GSDME: variants seen among roughly 807,000 people sequenced by gnomAD.
GSDME encodes the protein gasdermin E.
In GSDME, 44 loss-of-function variants were observed where a neutral mutation model predicts 47.5. That is an observed-to-expected ratio of 0.93 (90% confidence interval 0.73 to 1.19). The LOEUF is 1.19. Ranked by LOEUF, GSDME falls within the 50% of genes most tolerant of loss-of-function variation. The pLI is 0.00. For missense variants in GSDME, 663 were observed against 604.2 expected, an observed-to-expected ratio of 1.10 and a Z score of -1.02; for synonymous variants, 258 against 252.8, an observed-to-expected ratio of 1.02 and a Z score of -0.20.
intron 3 of GSDME, among the ~76,000 whole-genome samples, chr7:24,720,151 T>C (rs1332912146): frequency 6.6e-6 from 1 of 152,142 alleles, no homozygotes; most frequent in East Asian, 1.9e-4. Context: ...TCAGCAGAGA[T>C]TTGGGGCTCC....
the GSDME span, among the ~76,000 whole-genome samples, chr7:24,763,572 A>T: frequency 1.3e-5 from 2 of 152,228 alleles, no homozygotes; most frequent in Non-Finnish European, 2.9e-5. This position sits in a 1 kb window ranked among gnomAD's most constrained non-coding sequence, Gnocchi z 4.3. Context: ...TCATCATGCT[A>T]CTCAGAATAG....
intron 5 of GSDME, chr7:24,715,680 G>A (rs901229702): frequency 6.3e-6 from 2 of 318,306 alleles, no homozygotes; most frequent in African/African-American, 4.5e-5. Context: ...TGGAAGACAA[G>A]TCTTTTCAAA....
At chr7:24,717,809 A>G (rs191390857) in intron 4 of GSDME, among the ~76,000 whole-genome samples, 1 of 152,304 alleles carries the variant, frequency 6.6e-6, no homozygotes, top group East Asian at 1.9e-4. Context: ...AGACCCCTGT[A>G]GATGGTGCAC....
chr7:24,755,689 T>A (rs749473738), intron 1 of GSDME, among the ~76,000 whole-genome samples: 6 of 152,194 alleles, frequency 3.9e-5, no homozygotes, highest in South Asian at 2.1e-4. Context: ...TCCACCTGAC[T>A]CCAAAGCCTG....
chr7:24,777,850 T>C, the GSDME span, among the ~76,000 whole-genome samples: 5 of 152,016 alleles, frequency 3.3e-5, no homozygotes, highest in East Asian at 9.6e-4. Flanking sequence ...CTGGGCAACA[T>C]AGAGAGATCC....
At chr7:24,748,020 A>C (rs559800652) in intron 2 of GSDME, among the ~76,000 whole-genome samples, 1 of 152,044 alleles carries the variant, frequency 6.6e-6, no homozygotes, top group Non-Finnish European at 1.5e-5. Context: ...ATTAGGGTAC[A>C]TACACTCAAA....
At chr7:24,748,168 ATT>A (rs1366320411) in intron 2 of GSDME, among the ~76,000 whole-genome samples, 2 of 117,496 alleles carry the variant, frequency 1.7e-5, no homozygotes, top group Non-Finnish European at 3.7e-5. Flanking sequence ...ATATATATAT[ATT>A]TTTTTTTGAG....
chr7:24,716,176 C>A lies in GSDME; in HGVS notation c.697+1078G>T, dbSNP rs1174476683. Among the ~76,000 whole-genome samples, 2 of 152,186 alleles carry A rather than the reference C, an allele frequency of 1.3e-5. No homozygotes were observed. The highest frequency in any genetic ancestry group is 3.8e-4 in the East Asian group (2 of 5,196). On this transcript the variant is annotated intron_variant, in intron 5 of 9. Transcript: ENST00000645220. The surrounding 1 kb of genome is among the most constrained non-coding windows in gnomAD (Gnocchi z 4.5). ...TGGTCTATCACGGCCCTTTTAAAAA[C>A]TGCTGTTACAGAAAATGTCAAACTG... is the stretch of plus-strand genomic sequence containing the variant.
the GSDME span, among the ~76,000 whole-genome samples, chr7:24,781,689 T>G: frequency 3.8e-3 from 567 of 151,096 alleles, 4 homozygotes; most frequent in African/African-American, 0.013. Flanking sequence ...AATTTTAAAA[T>G]ATTAATTCAT....
rs574285877 is a variant in GSDME at position 24,718,153 on chromosome 7, C to T, written c.577-779G>A. Among the ~76,000 whole-genome samples, 7 of 152,372 alleles carry T rather than the reference C, an allele frequency of 4.6e-5. 1 individual carries two copies. Among genetic ancestry groups the T allele is most frequent in the African/African-American group, 1.7e-4 (7 of 41,588 alleles). ...CCAGCAGGGCCGGCCTGAGCCATCT[C>T]CCATCGGCGCCTCCCTCGCTGCTAC... On this transcript the variant is annotated intron_variant, in intron 4 of 9. Coordinates refer to ENST00000645220, the MANE Select transcript of GSDME (RefSeq NM_001127453.2).
At chr7:24,764,616 T>C in the GSDME span, among the ~76,000 whole-genome samples, 1 of 152,142 alleles carries the variant, frequency 6.6e-6, no homozygotes, top group Non-Finnish European at 1.5e-5. This position sits in a 1 kb window ranked among gnomAD's most constrained non-coding sequence, Gnocchi z 4.4. Context: ...ACCAAGCAAA[T>C]CCCAGTGTCA....
chr7:24,699,944 A>G (rs1788795930), intron 9 of GSDME, among the ~76,000 whole-genome samples: 1 of 152,148 alleles, frequency 6.6e-6, no homozygotes, highest in Non-Finnish European at 1.5e-5. Flanking sequence ...TAGTTTAATT[A>G]TCCTTCCTGC....
chr7:24,719,776 G>A (rs1184820308), intron 3 of GSDME, among the ~76,000 whole-genome samples: 1 of 151,444 alleles, frequency 6.6e-6, no homozygotes, highest in Non-Finnish European at 1.5e-5. Flanking sequence ...CAGGGCAACA[G>A]AGCAAGACTC....
Position 24,705,767 on chromosome 7 carries a change from T to G in GSDME, c.1183+417A>C. ...TTGCCCCAGACAGGAGCACGCAGGG[T>G]GGGGAATAACAAGTTTGCAAAGATC... On this transcript the variant is annotated intron_variant, in intron 8 of 9. Transcript: ENST00000645220. This position sits in a 1 kb window ranked among gnomAD's most constrained non-coding sequence, Gnocchi z 4.1. The G allele has an allele frequency of 6.3e-6, 2 of 315,224 alleles. No homozygotes were observed. The highest frequency in any genetic ancestry group is 1.2e-5 in the Non-Finnish European group (2 of 161,340). 19.5% of individuals were successfully genotyped at this position (315,224 alleles called of 1,614,324 possible). A position where few individuals can be genotyped will look rare whatever the true frequency, so the allele number is the denominator to read the frequency against.
Position 24,754,501 on chromosome 7 carries a change from A to C in GSDME, c.-20+2895T>G, listed in dbSNP as rs1340392982. On this transcript the variant is annotated intron_variant, in intron 1 of 9. Coordinates refer to ENST00000645220, the MANE Select transcript of GSDME (RefSeq NM_001127453.2). The surrounding 1 kb of genome is among the most constrained non-coding windows in gnomAD (Gnocchi z 5.0). Reference sequence around the variant, plus strand: ...ACTTTGTCTCAAAAAAAAAAAAAAAAAGTTGTATTAGCAAACAGTCCTTAG... The same window carrying C: ...ACTTTGTCTCAAAAAAAAAAAAAAACAGTTGTATTAGCAAACAGTCCTTAG... 7.0e-6 allele frequency among the ~76,000 whole-genome samples: 1 copy of C among 142,018 alleles called. No individual in the cohort carries two copies. The highest frequency in any genetic ancestry group is 1.5e-5 in the Non-Finnish European group (1 of 66,692). 93.2% of individuals were successfully genotyped at this position (142,018 alleles called of 152,430 possible).
chr7:24,784,627 T>C, the GSDME span, among the ~76,000 whole-genome samples: 2 of 62,318 alleles, frequency 3.2e-5, no homozygotes, highest in East Asian at 8.3e-4. Flanking sequence ...TTCTTCTTCC[T>C]TTTTTTTTTT....
chr7:24,750,085 A>G (rs1178124188), intron 1 of GSDME, among the ~76,000 whole-genome samples: 1 of 152,226 alleles, frequency 6.6e-6, no homozygotes, highest in Non-Finnish European at 1.5e-5. Flanking sequence ...CATGCACAAT[A>G]CAGGGGTACA....
the GSDME span, among the ~76,000 whole-genome samples, chr7:24,769,402 G>A: frequency 1.3e-5 from 2 of 152,238 alleles, no homozygotes; most frequent in East Asian, 1.9e-4. Context: ...AGCGGGAGGC[G>A]GGGAACGTAG....
At chr7:24,711,104 T>C (rs2128050315) in intron 5 of GSDME, among the ~76,000 whole-genome samples, 1 of 151,834 alleles carries the variant, frequency 6.6e-6, no homozygotes, top group African/African-American at 2.4e-5. Context: ...GGTGAAGTTA[T>C]GGCTAAAACA....
Sources: gnomAD v4.1 joint callset for allele counts (sites outside exome capture counted in the v4.1 genomes callset) on GRCh38, gnomAD v4.1.1 for gene constraint, Gnocchi (gnomAD v3.1) non-coding constraint, MANE v1.5 for transcripts, NCBI Gene and HGNC (gene_info 2026-07-23, HGNC 2026-07-21) for gene names.